VEPH1: variants seen among roughly 807,000 people sequenced by gnomAD.
The protein encoded by VEPH1 is ventricular zone-expressed PH domain-containing protein homolog 1.
In VEPH1, 80 loss-of-function variants were observed where a neutral mutation model predicts 85.2. That is an observed-to-expected ratio of 0.94 (90% CI 0.78 to 1.13). The LOEUF (loss-of-function observed/expected upper bound fraction) is 1.13, where lower values mean the gene tolerates loss of function less well. VEPH1 is among the 50% of genes most tolerant of loss of function. The probability of loss-of-function intolerance (pLI) is 0.00; values close to 1 mark genes in which losing one functional copy is unlikely to be tolerated. For synonymous variants in VEPH1, 297 were observed against 348.0 expected (o/e 0.85, Z 1.63); for missense variants, 955 against 980.5 (o/e 0.97, Z 0.35).
In VEPH1 at chr3:157,428,435, G is replaced by C. The variant is rs1439245557; in HGVS notation, c.583C>G (p.Pro195Ala). Residue 195 changes from proline to alanine, a missense_variant, in exon 5 of 14, where the codon CCA (proline) becomes GCA (alanine). Transcript: ENST00000362010. ...LPAVYEKQPQ[P>A]INRHLTELLA... ...AGTTCTGTCAGGTGTCTATTAATTG[G>C]CTGAGGCTGCTTTTCATACACAGCA... 3 of 1,613,986 alleles carry C rather than the reference G, an allele frequency of 1.9e-6. No homozygotes were observed. In the East Asian group the frequency reaches 6.7e-5, roughly 36 times the overall value.
intron 11 of VEPH1, among the ~76,000 whole-genome samples, chr3:157,287,558 T>A (rs552296321): frequency 8.5e-5 from 13 of 152,200 alleles, no homozygotes; most frequent in African/African-American, 2.2e-4. Flanking sequence ...GATTTTTTTT[T>A]AATTTTTACT....
At chr3:157,417,199 G>A (rs1197501063) in intron 5 of VEPH1, among the ~76,000 whole-genome samples, 2 of 152,060 alleles carry the variant, frequency 1.3e-5, no homozygotes, top group African/African-American at 4.8e-5. Context: ...GATTATTCTT[G>A]GATTAGAAGG....
At chr3:157,296,676 A>C (rs1718181616) in intron 11 of VEPH1, among the ~76,000 whole-genome samples, 1 of 152,258 alleles carries the variant, frequency 6.6e-6, no homozygotes, top group Non-Finnish European at 1.5e-5. Context: ...GTTCTGTCTT[A>C]GAGAATTATT....
chr3:157,470,177 C>G, intron 3 of VEPH1, 137 bp downstream of exon 3: 1 of 754,996 alleles, frequency 1.3e-6, no homozygotes. Flanking sequence ...CCGGCCCTCC[C>G]AGCTATTGAT....
chr3:157,464,224 C>A (rs553210840), intron 3 of VEPH1, among the ~76,000 whole-genome samples: 1 of 152,314 alleles, frequency 6.6e-6, no homozygotes, highest in African/African-American at 2.4e-5. Flanking sequence ...TCTTGGGTTG[C>A]ATTTTCTTGG....
chr3:157,342,164 C>T (rs1482618967), intron 9 of VEPH1, among the ~76,000 whole-genome samples: 1 of 152,160 alleles, frequency 6.6e-6, no homozygotes, highest in African/African-American at 2.4e-5. Context: ...GGATCAAATT[C>T]ACACATAACA....
intron 5 of VEPH1, 139 bp from the exon 6 acceptor site, chr3:157,414,229 G>T: frequency 1.7e-6 from 1 of 600,460 alleles, no homozygotes; most frequent in Non-Finnish European, 2.9e-6. Context: ...ACCCTCCTTG[G>T]TACTCAGGCA....
chr3:157,459,434 T>A (rs965476321), intron 4 of VEPH1: 5 of 227,554 alleles, frequency 2.2e-5, no homozygotes, highest in African/African-American at 1.2e-4. Context: ...AACCTTATCA[T>A]GTGGTGGGTT....
At chr3:157,483,125 C>CACACAT in intron 2 of VEPH1, among the ~76,000 whole-genome samples, 1 of 140,650 alleles carries the variant, frequency 7.1e-6, no homozygotes, top group Non-Finnish European at 1.5e-5. Flanking sequence ...TAAAAGCATA[C>CACACAT]ACACACACAC....
At position 157,470,486 on chromosome 3, in the gene VEPH1, C is replaced by A. The variant is rs1318213958; in HGVS notation, c.182G>T (p.Cys61Phe). Residue 61 changes from cysteine (C) to phenylalanine (F), a missense_variant, in exon 3 of 14, where the codon TGT (cysteine) becomes TTT (phenylalanine). Transcript: ENST00000362010. Reference sequence around the variant, plus strand: ...GATGGCTGTTGTGATTCTTGTGATACAGATTTCAACTACTGCCTGGTCATT... The same window carrying A: ...GATGGCTGTTGTGATTCTTGTGATAAAGATTTCAACTACTGCCTGGTCATT... ...NNNDQAVVEI[C>F]ITRITTAIRE... 6.2e-7 allele frequency: 1 copy of A among 1,614,006 alleles called. No individual in the cohort carries two copies. The highest frequency in any genetic ancestry group is 2.2e-5 in the East Asian group (1 of 44,894).
intron 11 of VEPH1, among the ~76,000 whole-genome samples, chr3:157,312,763 A>T (rs149753162): frequency 6.6e-6 from 1 of 152,140 alleles, no homozygotes; most frequent in South Asian, 2.1e-4. Context: ...CTGTGCTTCT[A>T]TAACAAATAC....
chr3:157,302,773 C>T (rs1331376926), intron 11 of VEPH1, among the ~76,000 whole-genome samples: 1 of 152,196 alleles, frequency 6.6e-6, no homozygotes, highest in East Asian at 1.9e-4. Flanking sequence ...AGCTTCTTGC[C>T]ATGGTCTAAA....
At chr3:157,402,833 T>G (rs776692458) in intron 6 of VEPH1, among the ~76,000 whole-genome samples, 14 of 152,168 alleles carry the variant, frequency 9.2e-5, no homozygotes, top group Non-Finnish European at 1.9e-4. Flanking sequence ...GTTATCTACA[T>G]GAATACACGT....
At position 157,348,462 on chromosome 3, in the gene VEPH1, A is replaced by G. The variant is rs574456621; in HGVS notation, c.1735+14902T>C. Among the ~76,000 whole-genome samples the G allele has an allele frequency of 5.3e-5, 8 of 152,198 alleles. No individual in the cohort carries two copies. The South Asian group carries it at 1.7e-3, about 32-fold the overall frequency. On this transcript the variant is annotated intron_variant, in intron 9 of 13. Transcript: ENST00000362010. ...TAGCCACTGTAACTGGGGTGAGGCA[A>G]TACCTCATTGTGGTTTTGGTTTGCA...
At chr3:157,302,775 T>G (rs1333042179) in intron 11 of VEPH1, among the ~76,000 whole-genome samples, 2 of 152,188 alleles carry the variant, frequency 1.3e-5, no homozygotes, top group Non-Finnish European at 2.9e-5. Context: ...CTTCTTGCCA[T>G]GGTCTAAAAG....
chr3:157,447,887 G>T (rs1006354580), intron 4 of VEPH1, among the ~76,000 whole-genome samples: 2 of 152,038 alleles, frequency 1.3e-5, no homozygotes, highest in Non-Finnish European at 2.9e-5. Flanking sequence ...GAGCCACAGC[G>T]CCTAGCCTGC....
intron 6 of VEPH1, among the ~76,000 whole-genome samples, chr3:157,412,003 C>T (rs183429076): frequency 6.6e-6 from 1 of 152,270 alleles, no homozygotes; most frequent in Admixed American, 6.5e-5. Context: ...TGCTGCTGCT[C>T]TCATGATAGT....
At chr3:157,262,409 C>T (rs1000801947) in intron 13 of VEPH1, among the ~76,000 whole-genome samples, 2 of 151,828 alleles carry the variant, frequency 1.3e-5, no homozygotes, top group African/African-American at 4.8e-5. Flanking sequence ...GAAAAAATAA[C>T]ACTTGGAGAC....
chr3:157,389,806 C>A (rs1729686349), intron 6 of VEPH1, among the ~76,000 whole-genome samples: 1 of 152,112 alleles, frequency 6.6e-6, no homozygotes, highest in Non-Finnish European at 1.5e-5. Flanking sequence ...TATGAAACTC[C>A]TTGCAGTCAT....
Sources: gnomAD v4.1 joint callset for allele counts (sites outside exome capture counted in the v4.1 genomes callset) on GRCh38, gnomAD v4.1.1 for gene constraint, MANE v1.5 for transcripts, NCBI Gene and HGNC (gene_info 2026-07-23, HGNC 2026-07-21) for gene names.